PCDH15: variants seen among roughly 807,000 people sequenced by gnomAD.
PCDH15 encodes protocadherin-15.
PCDH15 carries 129 observed loss-of-function variants against 178.5 expected under a neutral mutation model. The observed-to-expected ratio is 0.72, with a 90% CI of 0.63 to 0.84. The LOEUF is 0.84. PCDH15 is among the 40% of genes least tolerant of loss of function. The pLI, the probability that PCDH15 is intolerant of heterozygous loss-of-function variation, is 0.00. For missense variants in PCDH15, 2,230 were observed against 2,099.9 expected (o/e 1.06, Z -1.21); for synonymous variants, 800 against 732.0 (o/e 1.09, Z -1.50).
intron 3 of PCDH15, among the ~76,000 whole-genome samples, chr10:54,482,856 T>C (rs955099199): frequency 6.6e-6 from 1 of 151,794 alleles, no homozygotes; most frequent in African/African-American, 2.4e-5. Context: ...ATCAGAAATG[T>C]AGGAAGTGAT....
intron 6 of PCDH15, among the ~76,000 whole-genome samples, chr10:54,335,883 A>C (rs1232283737): frequency 6.6e-6 from 1 of 152,168 alleles, no homozygotes. Flanking sequence ...GAGGGCTCAG[A>C]AGGACAGGAA....
intron 3 of PCDH15, among the ~76,000 whole-genome samples, chr10:54,409,751 G>A (rs1224552424): frequency 1.3e-5 from 2 of 152,082 alleles, no homozygotes; most frequent in African/African-American, 4.8e-5. Flanking sequence ...GGCCTTTGGA[G>A]GAGGTAATCA....
intron 2 of PCDH15, among the ~76,000 whole-genome samples, chr10:55,135,765 G>A (rs61368785): frequency 6.6e-6 from 1 of 151,306 alleles, no homozygotes; most frequent in Non-Finnish European, 1.5e-5. Flanking sequence ...TGTATTTTTA[G>A]TAGAAATGGG....
At chr10:55,476,889 C>T (rs571004629) in intron 2 of PCDH15, among the ~76,000 whole-genome samples, 22 of 151,910 alleles carry the variant, frequency 1.4e-4, no homozygotes, top group African/African-American at 4.8e-4. Flanking sequence ...ATTGTGCTGC[C>T]TCTCCCCTCG....
intron 1 of PCDH15, among the ~76,000 whole-genome samples, chr10:55,312,789 G>T (rs1843621132): frequency 6.6e-6 from 1 of 151,972 alleles, no homozygotes; most frequent in Non-Finnish European, 1.5e-5. Flanking sequence ...AGCTAATTTT[G>T]CATTTTTAGT....
intron 2 of PCDH15, among the ~76,000 whole-genome samples, chr10:55,154,623 A>G (rs975394856): frequency 6.6e-6 from 1 of 152,162 alleles, no homozygotes; most frequent in Non-Finnish European, 1.5e-5. Context: ...CCATGTTAAC[A>G]ACCAGGCAGC....
intron 28 of PCDH15, among the ~76,000 whole-genome samples, chr10:53,842,543 G>A (rs1477064760): frequency 1.3e-5 from 2 of 152,112 alleles, no homozygotes; most frequent in African/African-American, 4.8e-5. Context: ...ATCACATCTG[G>A]CCATGTTTCC....
intron 2 of PCDH15, among the ~76,000 whole-genome samples, chr10:55,340,827 G>A (rs1397595923): frequency 6.6e-6 from 1 of 151,946 alleles, no homozygotes; most frequent in Non-Finnish European, 1.5e-5. Context: ...CAAGATTAAA[G>A]AAATTTAATG....
intron 1 of PCDH15, among the ~76,000 whole-genome samples, chr10:55,304,853 T>C (rs1477112356): frequency 6.6e-6 from 1 of 152,182 alleles, no homozygotes; most frequent in African/African-American, 2.4e-5. Flanking sequence ...TGTTGTAAAG[T>C]TCTCTTATAT....
intron 2 of PCDH15, among the ~76,000 whole-genome samples, chr10:55,090,314 G>T (rs746843648): frequency 1.3e-5 from 2 of 151,978 alleles, no homozygotes; most frequent in Non-Finnish European, 2.9e-5. Context: ...TTTCAGCACA[G>T]AGTAGAGCCT....
chr10:54,948,334 G>GT (rs1346069770), intron 2 of PCDH15, among the ~76,000 whole-genome samples: 1 of 151,916 alleles, frequency 6.6e-6, no homozygotes, highest in African/African-American at 2.4e-5. Flanking sequence ...ATTCCCCTTA[G>GT]TTTTTTTATT....
intron 24 of PCDH15, among the ~76,000 whole-genome samples, chr10:53,940,174 T>C (rs2085927632): frequency 6.6e-6 from 1 of 150,718 alleles, no homozygotes; most frequent in Non-Finnish European, 1.5e-5. Context: ...CTACCTACAA[T>C]ATACTAGGCT....
intron 2 of PCDH15, among the ~76,000 whole-genome samples, chr10:54,611,429 T>G (rs1035619744): frequency 1.3e-5 from 2 of 151,864 alleles, no homozygotes; most frequent in African/African-American, 4.8e-5. Context: ...AAAATCCTTT[T>G]TAAAATAAAT....
rs1238234301 is a variant in PCDH15 at position 54,020,361 on chromosome 10, A to G, written c.2582T>C (p.Val861Ala). ...NVSYRIRSPEVKHFFALHPFT... is the reference protein window; with the variant it reads ...NVSYRIRSPEAKHFFALHPFT... Reference sequence around the variant, plus strand: ...TGGATGTAGTGCAAAAAAGTGCTTCACTTCTGGGCTTCTTATCCGGTAAGA... The same window carrying G: ...TGGATGTAGTGCAAAAAAGTGCTTCGCTTCTGGGCTTCTTATCCGGTAAGA... The change falls in exon 20 of 38, where the codon GTG becomes GCG. Residue 861 changes from valine to alanine, a missense_variant. By Grantham distance (64) the Val-to-Ala change is moderately conservative (BLOSUM62 0). Coordinates refer to ENST00000644397, the MANE Select transcript of PCDH15 (RefSeq NM_001384140.1). 2 of 1,613,824 alleles carry G rather than the reference A, an allele frequency of 1.2e-6. 1 individual carries two copies. Among genetic ancestry groups the G allele is most frequent in the South Asian group, 2.2e-5 (2 of 91,074 alleles).
intron 2 of PCDH15, among the ~76,000 whole-genome samples, chr10:54,553,904 A>G (rs2086882007): frequency 6.6e-6 from 1 of 152,166 alleles, no homozygotes; most frequent in Non-Finnish European, 1.5e-5. Context: ...TTTGAATCAC[A>G]CTAAGTGTAT....
At chr10:55,551,334 A>G (rs1352488379) in intron 2 of PCDH15, among the ~76,000 whole-genome samples, 1 of 152,002 alleles carries the variant, frequency 6.6e-6, no homozygotes, top group East Asian at 1.9e-4. Context: ...ACTGTTGACA[A>G]TAGCAATTTT....
Position 54,484,638 on chromosome 10 carries a change from C to T in PCDH15, c.157+43174G>A, listed in dbSNP as rs972789. 2.6e-5 allele frequency among the ~76,000 whole-genome samples: 4 copies of T among 151,450 alleles called. No homozygotes were observed. In the South Asian group the frequency reaches 8.3e-4, roughly 32 times the overall value. ...TGAGATAAGAAGTGTGAAATAAAAT[C>T]GATCCCCGCTCATCAGAGAAGGAGG... On this transcript the variant is annotated intron_variant, in intron 3 of 37. Coordinates refer to ENST00000644397, the MANE Select transcript of PCDH15 (RefSeq NM_001384140.1).
intron 3 of PCDH15, among the ~76,000 whole-genome samples, chr10:54,891,933 T>A (rs747269693): frequency 1.6e-4 from 24 of 152,150 alleles, no homozygotes; most frequent in Non-Finnish European, 2.9e-4. Context: ...TGACTTCAGA[T>A]GTAAAGGTCT....
At position 54,405,698 on chromosome 10, in the gene PCDH15, TA is replaced by T. The variant is rs560045658; in HGVS notation, c.158-26757del. Among the ~76,000 whole-genome samples, 421 of 142,106 alleles carry T rather than the reference TA, an allele frequency of 3.0e-3. 1 individual carries two copies. Among genetic ancestry groups the T allele is most frequent in the Non-Finnish European group, 4.1e-3 (266 of 64,990 alleles). The allele number at this position is 142,106 out of a possible 152,430, so 93.2% of individuals were successfully genotyped here. A position where few individuals can be genotyped will look rare whatever the true frequency, so the allele number is the denominator to read the frequency against. ...CCTGAACATAAAATAAAAGTTAAAT[TA>T]AAAAAAAAAACTAAAAATTACATGC... On this transcript the variant is annotated intron_variant, in intron 3 of 37. Transcript: ENST00000644397.
Sources: gnomAD v4.1 joint callset for allele counts (sites outside exome capture counted in the v4.1 genomes callset) on GRCh38, gnomAD v4.1.1 for gene constraint, MANE v1.5 for transcripts, NCBI Gene and HGNC (gene_info 2026-07-23, HGNC 2026-07-21) for gene names.